AOPEP: variants seen among roughly 807,000 people sequenced by gnomAD.
AOPEP encodes aminopeptidase O.
AOPEP carries 77 observed loss-of-function variants against 98.1 expected under a neutral mutation model. The observed-to-expected ratio is 0.78, with a 90% CI of 0.65 to 0.95. The LOEUF is 0.95. Ranked by LOEUF, AOPEP falls within the 40% of genes least tolerant of loss-of-function variation. The probability of loss-of-function intolerance (pLI) is 0.00; values close to 1 mark genes in which losing one functional copy is unlikely to be tolerated. For synonymous variants in AOPEP, 346 were observed against 365.3 expected, an observed-to-expected ratio of 0.95 and a Z score of 0.60; for missense variants, 1,024 against 1,024.7, an observed-to-expected ratio of 1.00 and a Z score of 0.01.
At chr9:94,772,267 A>G (rs1225613333) in intron 2 of AOPEP, among the ~76,000 whole-genome samples, 5 of 152,124 alleles carry the variant, frequency 3.3e-5, no homozygotes, top group African/African-American at 1.2e-4. Context: ...GAGAATCTTT[A>G]TCTTTGTCAA....
At chr9:95,075,790 G>A (rs1161594302) in intron 14 of AOPEP, among the ~76,000 whole-genome samples, 1 of 152,236 alleles carries the variant, frequency 6.6e-6, no homozygotes, top group Non-Finnish European at 1.5e-5. Flanking sequence ...GAGAGGCTGA[G>A]GCCAGAGGAT....
intron 9 of AOPEP, among the ~76,000 whole-genome samples, chr9:94,962,730 CTT>C (rs3992777): frequency 1.5e-5 from 2 of 129,726 alleles, no homozygotes; most frequent in African/African-American, 3.1e-5. Context: ...ATATTATCAT[CTT>C]TTTTTTTTTT....
intron 9 of AOPEP, among the ~76,000 whole-genome samples, chr9:94,958,253 G>A (rs1026449926): frequency 6.6e-6 from 1 of 152,160 alleles, no homozygotes; most frequent in African/African-American, 2.4e-5. Context: ...ATGCTCCATT[G>A]CATGTATATA....
At chr9:94,942,101 A>G (rs1471831275) in intron 7 of AOPEP, among the ~76,000 whole-genome samples, 1 of 152,218 alleles carries the variant, frequency 6.6e-6, no homozygotes, top group African/African-American at 2.4e-5. Flanking sequence ...TGACTATAAA[A>G]TATTTCGTAC....
intron 6 of AOPEP, among the ~76,000 whole-genome samples, chr9:94,928,013 T>G (rs1010631301): frequency 5.3e-5 from 8 of 152,152 alleles, no homozygotes; most frequent in African/African-American, 1.7e-4. Context: ...GAAACAGTCC[T>G]TAACAAAATT....
In AOPEP at chr9:94,817,240, A is replaced by G. The variant is rs80036997; in HGVS notation, c.1364+16238A>G. 6.6e-3 allele frequency among the ~76,000 whole-genome samples: 1,006 copies of G among 152,236 alleles called. 7 individuals are homozygous for G. Among genetic ancestry groups the G allele is most frequent in the African/African-American group, 0.023 (968 of 41,534 alleles). On this transcript the variant is annotated intron_variant, in intron 5 of 16. Transcript: ENST00000375315. ...GGCTGGTCGCGAACTCCTGGACTCA[A>G]GCAATCTGTGTGCCTTGGCCTCCCA... is the stretch of plus-strand genomic sequence containing the variant.
the AOPEP span, among the ~76,000 whole-genome samples, chr9:95,121,429 G>A: frequency 6.6e-6 from 1 of 152,214 alleles, no homozygotes; most frequent in Non-Finnish European, 1.5e-5. Context: ...ACTGTTGCAG[G>A]AAGTGCAGAT....
intron 7 of AOPEP, among the ~76,000 whole-genome samples, chr9:94,950,238 T>C (rs564921198): frequency 6.6e-6 from 1 of 152,330 alleles, no homozygotes; most frequent in East Asian, 1.9e-4. Context: ...GTTTAGTTGA[T>C]GCTACTGGAG....
intron 13 of AOPEP, among the ~76,000 whole-genome samples, chr9:95,027,930 C>T (rs761773358): frequency 6.6e-6 from 1 of 152,170 alleles, no homozygotes; most frequent in East Asian, 1.9e-4. Flanking sequence ...CAGAGCATTC[C>T]GGTGAAATAA....
the AOPEP span, among the ~76,000 whole-genome samples, chr9:95,104,954 C>A: frequency 1.3e-5 from 2 of 152,212 alleles, no homozygotes; most frequent in Non-Finnish European, 2.9e-5. Context: ...TTGTCTCTCG[C>A]GTCTGGCTTA....
In AOPEP at chr9:94,847,127, T is replaced by TACACACACACACAC. The variant is rs57318947; in HGVS notation, c.1364+46138_1364+46151dup. Among the ~76,000 whole-genome samples, 802 of 125,124 alleles carry TACACACACACACAC rather than the reference T, an allele frequency of 6.4e-3. 3 individuals are homozygous for TACACACACACACAC. Among genetic ancestry groups the TACACACACACACAC allele is most frequent in the South Asian group, 0.018 (62 of 3,542 alleles). The allele number at this position is 125,124 out of a possible 152,430, so 82.1% of individuals were successfully genotyped here. On this transcript the variant is annotated intron_variant, in intron 5 of 16. Transcript: ENST00000375315. ...TTGGTAGATTTGGTGGTTCCCTTTG[T>TACACACACACACAC]ACACACACACACACACACACACACA...
the AOPEP span, among the ~76,000 whole-genome samples, chr9:95,119,715 C>G: frequency 2.0e-5 from 3 of 150,190 alleles, no homozygotes; most frequent in Non-Finnish European, 4.4e-5. Flanking sequence ...ATTTTACATT[C>G]CTTTCTTATT....
chr9:95,010,695 C>G (rs570197762), intron 13 of AOPEP, among the ~76,000 whole-genome samples: 1 of 152,186 alleles, frequency 6.6e-6, no homozygotes, highest in Non-Finnish European at 1.5e-5. Context: ...TAGTGAGTCA[C>G]GGCTCTTGAA....
chr9:95,041,446 G>GTGTGTGTGT (rs200579150), intron 13 of AOPEP, among the ~76,000 whole-genome samples: 17,117 of 141,872 alleles, frequency 0.12, 1,098 homozygotes, highest in East Asian at 0.22. Context: ...AGTCCTTGGG[G>GTGTGTGTGT]GTGTGTGTGT....
In AOPEP at chr9:94,775,123, A is replaced by C. The variant is rs979904894; in HGVS notation, c.964+1955A>C. Among the ~76,000 whole-genome samples the C allele has an allele frequency of 3.3e-5, 5 of 152,008 alleles. No homozygotes were observed. The East Asian group carries it at 5.8e-4, about 18-fold the overall frequency. On this transcript the variant is annotated intron_variant, in intron 3 of 16. Coordinates refer to ENST00000375315, the MANE Select transcript of AOPEP (RefSeq NM_001193329.3). ...ATTTTATATGATGTGTCTTTTTATG[A>C]AGTTAAATTTATTAGATTTCTCTAA...
chr9:94,854,360 C>G (rs2043926612), intron 5 of AOPEP, among the ~76,000 whole-genome samples: 1 of 152,196 alleles, frequency 6.6e-6, no homozygotes. Context: ...GAATTAAAAA[C>G]ATGACACTGA....
chr9:95,131,430 T>C, the AOPEP span, among the ~76,000 whole-genome samples: 1 of 152,162 alleles, frequency 6.6e-6, no homozygotes, highest in African/African-American at 2.4e-5. Flanking sequence ...TCTCCCTTCA[T>C]CTCTGGCCAC....
chr9:95,126,686 A>T, the AOPEP span: 1 of 1,156,534 alleles, frequency 8.6e-7, no homozygotes, highest in Non-Finnish European at 1.3e-6. Context: ...ATGTCCAGAA[A>T]ACTGGCATAC....
intron 7 of AOPEP, among the ~76,000 whole-genome samples, chr9:94,935,990 G>A (rs1432326154): frequency 1.3e-5 from 2 of 152,086 alleles, no homozygotes; most frequent in Non-Finnish European, 2.9e-5. Context: ...TCCTTCCCTG[G>A]GAGCCATTGC....
Sources: allele counts gnomAD v4.1 joint callset (sites outside exome capture counted in the v4.1 genomes callset), GRCh38; gene constraint gnomAD v4.1.1; transcripts MANE v1.5; gene names NCBI Gene and HGNC (gene_info 2026-07-23, HGNC 2026-07-21).